RFC3: variants seen among roughly 807,000 people sequenced by gnomAD.
RFC3 encodes the protein A1 38 kDa subunit.
A neutral mutation model predicts 45.1 loss-of-function variants in RFC3; 41 were observed. The observed-to-expected ratio is 0.91, with a 90% CI of 0.71 to 1.18. RFC3 has a LOEUF of 1.18. Among genes scored for constraint, RFC3 ranks in the 50% most tolerant of loss-of-function variants. RFC3 has a pLI of 0.00. For synonymous variants in RFC3, 149 were observed against 144.0 expected, an observed-to-expected ratio of 1.03 and a Z score of -0.25; for missense variants, 423 against 428.1, an observed-to-expected ratio of 0.99 and a Z score of 0.10.
chr13:33,877,761 G>C (rs1318495836), intron 8 of RFC3, among the ~76,000 whole-genome samples: 1 of 147,868 alleles, frequency 6.8e-6, no homozygotes, highest in Non-Finnish European at 1.5e-5. Context: ...TAAATTCCGA[G>C]ATTAAAAAGA....
chr13:33,844,644 CAG>C (rs1270353662), intron 8 of RFC3, among the ~76,000 whole-genome samples: 7 of 152,146 alleles, frequency 4.6e-5, no homozygotes, highest in South Asian at 2.1e-4. Flanking sequence ...CAAAAACTAA[CAG>C]AGAAAACTAA....
intron 8 of RFC3, among the ~76,000 whole-genome samples, chr13:33,910,444 T>C (rs1173863484): frequency 6.6e-6 from 1 of 152,122 alleles, no homozygotes; most frequent in African/African-American, 2.4e-5. Flanking sequence ...ATCATTGTTA[T>C]TACTGACAGC....
At chr13:33,941,808 G>A (rs186290118) in intron 8 of RFC3, among the ~76,000 whole-genome samples, 160 of 151,994 alleles carry the variant, frequency 1.1e-3, no homozygotes, top group Middle Eastern at 0.01. Context: ...AAGATTATAG[G>A]CAAACATCTC....
chr13:33,944,370 A>G (rs138481487), intron 8 of RFC3, among the ~76,000 whole-genome samples: 259 of 152,340 alleles, frequency 1.7e-3, no homozygotes, highest in Non-Finnish European at 2.9e-3. Context: ...GCTGCTCATT[A>G]TATGTGTGAA....
intron 8 of RFC3, among the ~76,000 whole-genome samples, chr13:33,899,937 A>G (rs1287708142): frequency 6.6e-6 from 1 of 152,046 alleles, no homozygotes; most frequent in Non-Finnish European, 1.5e-5. Flanking sequence ...CAATAGCTAC[A>G]AAGAATATAA....
chr13:33,972,685 G>T, the RFC3 span, among the ~76,000 whole-genome samples: 1 of 152,230 alleles, frequency 6.6e-6, no homozygotes, highest in Admixed American at 6.5e-5. Flanking sequence ...AATGTAGCTG[G>T]CAATATTAGC....
chr13:33,839,331 C>G (rs536776397), downstream of RFC3, among the ~76,000 whole-genome samples: 12 of 152,116 alleles, frequency 7.9e-5, no homozygotes, highest in Admixed American at 2.0e-4. Context: ...CCTTTTTGAA[C>G]CAAGTCTGCC....
At chr13:33,868,446 G>A (rs76767464) in intron 8 of RFC3, among the ~76,000 whole-genome samples, 1,891 of 152,150 alleles carry the variant, frequency 0.012, 38 homozygotes, top group African/African-American at 0.04. Flanking sequence ...ACTTTGCACC[G>A]CCTCACAGAT....
rs2083023096 is a variant in RFC3 at position 33,956,548 on chromosome 13, A to G, written c.880-9539A>G. Among the ~76,000 whole-genome samples the G allele has an allele frequency of 2.0e-5, 3 of 152,218 alleles. No individual in the cohort carries two copies. The East Asian group carries it at 5.8e-4, about 29-fold the overall frequency. ...ACCTACAAATAAAATACATTATCTC[A>G]TACCAAAAAGTATTTCCATATGCCC... is the stretch of plus-strand genomic sequence containing the variant. On this transcript the variant is annotated intron_variant, in intron 8 of 8. Transcript: ENST00000434425.
At chr13:33,896,785 C>T (rs2082602467) in intron 8 of RFC3, among the ~76,000 whole-genome samples, 1 of 132,330 alleles carries the variant, frequency 7.6e-6, no homozygotes, top group Admixed American at 8.2e-5. Flanking sequence ...TTTTGTCTAG[C>T]AACAGATTTC....
At chr13:33,847,523 TCA>T (rs2082246957) in intron 8 of RFC3, 1 of 152,062 alleles carries the variant, frequency 6.6e-6, no homozygotes, top group Non-Finnish European at 1.5e-5. Context: ...TGTAAGATTG[TCA>T]GCCATACCAG....
At chr13:33,865,594 A>T (rs908267780) in intron 8 of RFC3, among the ~76,000 whole-genome samples, 1 of 152,258 alleles carries the variant, frequency 6.6e-6, no homozygotes, top group African/African-American at 2.4e-5. Flanking sequence ...TTATCAATCA[A>T]TCAATCAATT....
At chr13:33,844,665 C>G (rs1461911492) in intron 8 of RFC3, among the ~76,000 whole-genome samples, 1 of 152,106 alleles carries the variant, frequency 6.6e-6, no homozygotes, top group Non-Finnish European at 1.5e-5. Flanking sequence ...AATAAAAATT[C>G]TACAATTTAA....
chr13:33,839,754 A>G (rs1455950748), downstream of RFC3, among the ~76,000 whole-genome samples: 1 of 152,324 alleles, frequency 6.6e-6, no homozygotes, highest in East Asian at 1.9e-4. Flanking sequence ...TTAAAGCCCG[A>G]AAAAGTTTAT....
chr13:33,884,500 G>A (rs8181854), intron 8 of RFC3, among the ~76,000 whole-genome samples: 9 of 152,144 alleles, frequency 5.9e-5, no homozygotes, highest in African/African-American at 1.9e-4. Context: ...CAAATGCACC[G>A]TCTTCTGAAT....
intron 8 of RFC3, among the ~76,000 whole-genome samples, chr13:33,941,973 T>C (rs920233869): frequency 6.6e-6 from 1 of 152,180 alleles, no homozygotes; most frequent in African/African-American, 2.4e-5. Flanking sequence ...TCTATCTTCC[T>C]GTTCAGTAAT....
At chr13:33,838,960 A>G (rs933693601), downstream of RFC3, among the ~76,000 whole-genome samples, 1 of 152,122 alleles carries the variant, frequency 6.6e-6, no homozygotes, top group African/African-American at 2.4e-5. Flanking sequence ...GCATTGTGCA[A>G]TCACTGATGT....
downstream of RFC3, among the ~76,000 whole-genome samples, chr13:33,970,240 C>CCATG (rs2083104526): frequency 6.6e-6 from 1 of 152,198 alleles, no homozygotes; most frequent in African/African-American, 2.4e-5. Context: ...CCAGCTCCAT[C>CCATG]CATGTCCTTG....
intron 8 of RFC3, among the ~76,000 whole-genome samples, chr13:33,920,420 CTTTTTTTTTTTTT>C (rs777079510): frequency 2.4e-5 from 2 of 83,168 alleles, no homozygotes; most frequent in Admixed American, 1.5e-4. Flanking sequence ...TACAACCACA[CTTTTTTTTTTTTT>C]TTTTTTTTTT....
Sources: allele counts gnomAD v4.1 joint callset (sites outside exome capture counted in the v4.1 genomes callset), GRCh38; gene constraint gnomAD v4.1.1; transcripts MANE v1.5; gene names NCBI Gene and HGNC (gene_info 2026-07-23, HGNC 2026-07-21).